Variants in KEL observed in about 807,000 individuals in gnomAD.
KEL encodes Kell metallo-endopeptidase (Kell blood group), also known as kell blood group glycoprotein.
KEL carries 96 observed loss-of-function variants against 99.5 expected under a neutral mutation model. That is an observed-to-expected ratio of 0.97 (90% CI 0.82 to 1.14). KEL has a LOEUF of 1.14. KEL is among the 50% of genes most tolerant of loss of function. KEL has a pLI of 0.00. For synonymous variants in KEL, 355 were observed against 354.8 expected, an observed-to-expected ratio of 1.00 and a Z score of -0.01; for missense variants, 926 against 924.2, an observed-to-expected ratio of 1.00 and a Z score of -0.03.
At chr7:142,957,246 G>A (rs1796848784) in intron 6 of KEL, among the ~76,000 whole-genome samples, 1 of 152,228 alleles carries the variant, frequency 6.6e-6, no homozygotes, top group South Asian at 2.1e-4. Context: ...TGCAGGCACA[G>A]GGAGCAGCAT....
At position 142,944,322 on chromosome 7, in the gene KEL, C is replaced by T. The variant is rs1796453066; in HGVS notation, c.1491+1G>A. On this transcript the variant is annotated splice_donor_variant, in intron 13 of 18. Coordinates refer to ENST00000355265, the MANE Select transcript of KEL (RefSeq NM_000420.3). LOFTEE classifies it high-confidence loss of function. ...AGGAGCTGGAAAACACAGGGACCCA[C>T]ATCGTTGTATTCTTGTCGGGCCAGC... The T allele has an allele frequency of 2.5e-6, 4 of 1,612,652 alleles. No homozygotes were observed. Among genetic ancestry groups the T allele is most frequent in the African/African-American group, 1.3e-5 (1 of 74,878 alleles).
Position 142,958,375 on chromosome 7 carries a change from A to C in KEL, c.454T>G (p.Tyr152Asp). 6.2e-7 allele frequency: 1 copy of C among 1,614,144 alleles called. No homozygotes were observed. The highest frequency in any genetic ancestry group is 8.5e-7 in the Non-Finnish European group (1 of 1,180,012). ...GSGEEKAFQF[Y>D]NSCMDTLAIE... ...GCAAGTGTATCCATGCAGGAGTTGT[A>C]GAACTGGAAGGCTTTCTCCTCCCCA... is the stretch of plus-strand genomic sequence containing the variant. Residue 152 changes from tyrosine to aspartate, a missense_variant, in exon 5 of 19, where the codon TAC (tyrosine) becomes GAC (aspartate). By Grantham distance (160) the Tyr-to-Asp change is radical. Transcript: ENST00000355265.
chr7:142,944,270 G>A (rs995304495), intron 13 of KEL, 53 bp downstream of exon 13: 3 of 1,365,926 alleles, frequency 2.2e-6, no homozygotes, highest in Non-Finnish European at 2.1e-6. Flanking sequence ...GAGGGTCAGA[G>A]AAGTGACGAG....
rs1200584171 is a variant in KEL at position 142,954,539 on chromosome 7, A to G, written c.673-12T>C. The G allele has an allele frequency of 6.2e-7, 1 of 1,613,574 alleles. No homozygotes were observed. The highest frequency in any genetic ancestry group is 1.7e-5 in the Admixed American group (1 of 60,018). On this transcript the variant is annotated splice_polypyrimidine_tract_variant and intron_variant, in intron 6 of 18. Coordinates refer to ENST00000355265, the MANE Select transcript of KEL (RefSeq NM_000420.3). Reference sequence around the variant, plus strand: ...TCTGGCTGGTCTATCTGGGCACAAGAGAGACTGGAGAGAAGCAGGGAGCAT... The same window carrying G: ...TCTGGCTGGTCTATCTGGGCACAAGGGAGACTGGAGAGAAGCAGGGAGCAT...
intron 18 of KEL, chr7:142,942,138 T>C (rs966455354): frequency 3.1e-5 from 15 of 486,394 alleles, no homozygotes; most frequent in Non-Finnish European, 5.2e-5. Context: ...ATCTGTATTT[T>C]GGGGGTATGA....
At chr7:142,948,719 C>T (rs547835410) in intron 10 of KEL, among the ~76,000 whole-genome samples, 122 of 152,138 alleles carry the variant, frequency 8.0e-4, no homozygotes, top group South Asian at 6.2e-4. Context: ...TATGAAAGAC[C>T]GGAAGCCGCA....
intron 9 of KEL, among the ~76,000 whole-genome samples, chr7:142,952,852 G>T (rs1272650510): frequency 6.6e-6 from 1 of 152,232 alleles, no homozygotes; most frequent in Admixed American, 6.5e-5. Flanking sequence ...ACTAGATGAA[G>T]AGGCAGCCTT....
In KEL at chr7:142,941,305, G is replaced by A. The variant is rs566566734; in HGVS notation, c.2146C>T (p.Arg716Cys). 1.9e-5 allele frequency: 31 copies of A among 1,613,984 alleles called. No homozygotes were observed. The highest frequency in any genetic ancestry group is 5.3e-5 in the African/African-American group (4 of 74,908). ...SSTPAFARYF[R>C]CARGALLNPS... is the part of the protein sequence containing the mutation. ...TTCAAGAGAGCACCACGTGCACAGC[G>A]GAAATACCTGGCAAAGGCTGGGGTG... is the stretch of plus-strand genomic sequence containing the variant. Residue 716 changes from arginine (R) to cysteine (C), a missense_variant, in exon 19 of 19, where the codon CGC becomes TGC. Coordinates refer to ENST00000355265, the MANE Select transcript of KEL (RefSeq NM_000420.3).
chr7:142,944,626 A>T lies in KEL; in HGVS notation c.1413+17T>A. 3 of 1,598,082 alleles carry T rather than the reference A, an allele frequency of 1.9e-6. No homozygotes were observed. Among genetic ancestry groups the T allele is most frequent in the Non-Finnish European group, 2.6e-6 (3 of 1,165,442 alleles). Reference sequence around the variant, plus strand: ...CCCTGCACAGGCTCCCACACCAGCCAGGACGCCTGGCCTGACCTTGTCCTG... The same window carrying T: ...CCCTGCACAGGCTCCCACACCAGCCTGGACGCCTGGCCTGACCTTGTCCTG... On this transcript the variant is annotated intron_variant, in intron 12 of 18. Transcript: ENST00000355265.
Position 142,941,211 on chromosome 7 carries a change from T to A in KEL, c.*41A>T. 1 of 1,604,342 alleles carries A rather than the reference T, an allele frequency of 6.2e-7. No homozygotes were observed. Among genetic ancestry groups the A allele is most frequent in the African/African-American group, 1.3e-5 (1 of 74,836 alleles). ...TTCCATGGATGTGACCAGGGAGGTG[T>A]TGGTCGATATTTCTGTGCTGTGGCA... On this transcript the variant is annotated 3_prime_UTR_variant, in exon 19 of 19. Coordinates refer to ENST00000355265, the MANE Select transcript of KEL (RefSeq NM_000420.3).
In KEL at chr7:142,941,210, G is replaced by GTTGGTCGATAA; in HGVS notation, c.*41_*42insTTATCGACCAA. 6.2e-7 allele frequency: 1 copy of GTTGGTCGATAA among 1,603,598 alleles called. No individual in the cohort carries two copies. Among genetic ancestry groups the GTTGGTCGATAA allele is most frequent in the Non-Finnish European group, 8.5e-7 (1 of 1,170,422 alleles). The stretch of plus-strand genomic sequence containing the variant: ...ATTCCATGGATGTGACCAGGGAGGT[G>GTTGGTCGATAA]TTGGTCGATATTTCTGTGCTGTGGC... On this transcript the variant is annotated 3_prime_UTR_variant, in exon 19 of 19. Transcript: ENST00000355265.
At chr7:142,950,268 T>A (rs1044999601) in intron 10 of KEL, among the ~76,000 whole-genome samples, 3 of 152,230 alleles carry the variant, frequency 2.0e-5, no homozygotes, top group Non-Finnish European at 4.4e-5. Context: ...CCAGACCTTG[T>A]ATGGTTCTCT....
rs1796765159 is a variant in KEL at position 142,954,193 on chromosome 7, G to A, written c.915C>T (p.Asp305=). The change falls in exon 8 of 19, where the codon GAC becomes GAT. Residue 305 remains aspartate, a synonymous_variant. Coordinates refer to ENST00000355265, the MANE Select transcript of KEL (RefSeq NM_000420.3). ...QGKLFQMVTI[D]QLKEMAPAID... ...CCCCAGTTCCAGGCACCTTGAGCTG[G>A]TCGATAGTGACCATCTGGAAGAGCT... 1 of 1,610,138 alleles carries A rather than the reference G, an allele frequency of 6.2e-7. No individual in the cohort carries two copies. The highest frequency in any genetic ancestry group is 1.7e-5 in the Admixed American group (1 of 60,020).
intron 10 of KEL, among the ~76,000 whole-genome samples, chr7:142,950,017 A>G (rs1193627152): frequency 1.3e-5 from 2 of 152,262 alleles, no homozygotes; most frequent in Non-Finnish European, 2.9e-5. Flanking sequence ...ATTATAATTC[A>G]TTCAAAAGAA....
At chr7:142,954,431 A>C in intron 7 of KEL, 34 bp downstream of exon 7, 1 of 1,609,686 alleles carries the variant, frequency 6.2e-7, no homozygotes, top group Non-Finnish European at 8.5e-7. Flanking sequence ...TCCTGGCCTC[A>C]GAGGGCAGGG....
chr7:142,959,077 C>G (rs1295118540), intron 4 of KEL, among the ~76,000 whole-genome samples: 1 of 152,200 alleles, frequency 6.6e-6, no homozygotes, highest in Non-Finnish European at 1.5e-5. Flanking sequence ...GCCCCAGCCA[C>G]CTTGGGCACA....
chr7:142,950,633 C>A (rs7806742), intron 10 of KEL, among the ~76,000 whole-genome samples: 26,263 of 152,254 alleles, frequency 0.17, 4,482 homozygotes, highest in African/African-American at 0.45. Flanking sequence ...TCTGCTGTCT[C>A]AACCAGGATC....
rs564239309 is a variant in KEL at position 142,952,945 on chromosome 7, T to C, written c.1074-307A>G. On this transcript the variant is annotated intron_variant, in intron 9 of 18. Coordinates refer to ENST00000355265, the MANE Select transcript of KEL (RefSeq NM_000420.3). The stretch of plus-strand genomic sequence containing the variant: ...ACAGATTCTGCTTCCACAGTCAAGA[T>C]ATCTCTGGTTATCCTCAGATGTATC... Among the ~76,000 whole-genome samples the C allele has an allele frequency of 6.4e-4, 98 of 152,294 alleles. 1 individual carries two copies. Among genetic ancestry groups the C allele is most frequent in the Non-Finnish European group, 4.9e-4 (33 of 68,018 alleles).
Position 142,958,423 on chromosome 7 carries a change from GGACCTCTAGAAAGGAAGCAT to G in KEL, c.401-15_405del. The G allele has an allele frequency of 6.2e-7, 1 of 1,613,904 alleles. No homozygotes were observed. The highest frequency in any genetic ancestry group is 8.5e-7 in the Non-Finnish European group (1 of 1,180,000). ...CCAGAGCCTGGGTGCCAGGAATTCT[GGACCTCTAGAAAGGAAGCAT>G]GGGAGTGAGGACTAAACTCTGATTT... On this transcript the variant is annotated splice_acceptor_variant and splice_polypyrimidine_tract_variant and coding_sequence_variant and intron_variant, in exon 5 of 19. Transcript: ENST00000355265. LOFTEE classifies it high-confidence loss of function.
Sources: allele counts gnomAD v4.1 joint callset (sites outside exome capture counted in the v4.1 genomes callset), GRCh38; gene constraint gnomAD v4.1.1; transcripts MANE v1.5; gene names NCBI Gene and HGNC (gene_info 2026-07-23, HGNC 2026-07-21).